QRICH1: variants seen among roughly 807,000 people sequenced by gnomAD.
QRICH1 encodes the protein transcriptional regulator QRICH1.
QRICH1 carries 16 observed loss-of-function variants against 87.1 expected under a neutral mutation model. The observed-to-expected ratio is 0.18, with a 90% confidence interval of 0.12 to 0.28. The LOEUF (loss-of-function observed/expected upper bound fraction) is 0.28. Ranked by LOEUF, QRICH1 falls within the 10% of genes least tolerant of loss-of-function variation. QRICH1 has a pLI of 1.00. For missense variants in QRICH1, 647 were observed against 951.7 expected, an observed-to-expected ratio of 0.68 and a Z score of 4.21; for synonymous variants, 367 against 368.4, an observed-to-expected ratio of 1.00 and a Z score of 0.05.
intron 2 of QRICH1, among the ~76,000 whole-genome samples, chr3:49,070,309 A>G (rs2093493617): frequency 6.6e-6 from 1 of 152,154 alleles, no homozygotes; most frequent in African/African-American, 2.4e-5. Flanking sequence ...AGGTGCTGGG[A>G]TTACAAGCAT....
chr3:49,034,927 G>C (rs2093265591), intron 6 of QRICH1, among the ~76,000 whole-genome samples: 1 of 152,154 alleles, frequency 6.6e-6, no homozygotes, highest in African/African-American at 2.4e-5. Context: ...CCTGGAAGCA[G>C]AAAAAAGAAC....
At chr3:49,073,901 A>C (rs929308665) in intron 2 of QRICH1, among the ~76,000 whole-genome samples, 9 of 151,814 alleles carry the variant, frequency 5.9e-5, no homozygotes. Context: ...CTCCCACCTC[A>C]GCTTCCCAAA....
At chr3:49,067,377 C>G (rs1440851285) in intron 2 of QRICH1, among the ~76,000 whole-genome samples, 2 of 151,294 alleles carry the variant, frequency 1.3e-5, no homozygotes, top group African/African-American at 2.4e-5. Context: ...ACCATCCTGG[C>G]TAACATGGTG....
In QRICH1 at chr3:49,093,559, G is replaced by T. The variant is rs536584659; in HGVS notation, c.-22+353C>A. The T allele has an allele frequency of 2.9e-3, 434 of 152,104 alleles. 7 individuals carry two copies. In the Middle Eastern group the frequency reaches 0.037, roughly 13 times the overall value. The allele number at this position is 152,104 out of a possible 1,614,324, so 9.4% of individuals were successfully genotyped here. A position where few individuals can be genotyped will look rare whatever the true frequency, so the allele number is the denominator to read the frequency against. On this transcript the variant is annotated intron_variant, in intron 1 of 9. Coordinates refer to ENST00000395443, the MANE Select transcript of QRICH1 (RefSeq NM_198880.3). ...ACGGGCGCGCGCTCCAGAAAGCCGC[G>T]GTTGCCCACGGGCCACAGCTCCTAG...
At chr3:49,030,702 C>T (rs934467939) in intron 9 of QRICH1, 58 bp from the exon 10 acceptor site, 84 of 1,399,864 alleles carry the variant, frequency 6.0e-5, no homozygotes, top group Non-Finnish European at 7.4e-5. Context: ...CCCTCCCACC[C>T]TGAACTTCCC....
At chr3:49,064,262 G>GACA (rs2093453389) in intron 2 of QRICH1, among the ~76,000 whole-genome samples, 1 of 109,590 alleles carries the variant, frequency 9.1e-6, no homozygotes, top group Admixed American at 1.0e-4. Context: ...TTTTTTTGGA[G>GACA]ACAAGAGTCT....
At chr3:49,080,712 C>T (rs745998337) in intron 1 of QRICH1, among the ~76,000 whole-genome samples, 1 of 151,800 alleles carries the variant, frequency 6.6e-6, no homozygotes, top group Non-Finnish European at 1.5e-5. Flanking sequence ...ATAATTTCAC[C>T]GACTTTTCTT....
At chr3:49,044,882 G>C (rs959972314) in intron 5 of QRICH1, among the ~76,000 whole-genome samples, 1 of 152,082 alleles carries the variant, frequency 6.6e-6, no homozygotes, top group Non-Finnish European at 1.5e-5. Context: ...GGAGATGATG[G>C]TATCTGCCTT....
chr3:49,088,630 T>G (rs1483886434), intron 1 of QRICH1, among the ~76,000 whole-genome samples: 2 of 148,936 alleles, frequency 1.3e-5, no homozygotes, highest in African/African-American at 2.5e-5. Flanking sequence ...TTTTTTTTTT[T>G]TTTTTTTTTT....
intron 2 of QRICH1, among the ~76,000 whole-genome samples, chr3:49,074,471 C>T (rs545007726): frequency 6.6e-6 from 1 of 151,948 alleles, no homozygotes; most frequent in South Asian, 2.1e-4. Flanking sequence ...ACTCGGGAGG[C>T]TGAGGCAGGA....
intron 3 of QRICH1, among the ~76,000 whole-genome samples, chr3:49,054,509 G>A (rs2093389555): frequency 8.7e-6 from 1 of 115,558 alleles, no homozygotes; most frequent in African/African-American, 3.4e-5. Context: ...CATTCTCACA[G>A]TTCCCTTCTC....
At chr3:49,059,526 TCTC>T (rs1251285007) in intron 2 of QRICH1, among the ~76,000 whole-genome samples, 1 of 150,682 alleles carries the variant, frequency 6.6e-6, no homozygotes, top group Non-Finnish European at 1.5e-5. Flanking sequence ...TTCAAGCTAT[TCTC>T]CTGCCTCAGC....
In QRICH1 at chr3:49,065,733, T is replaced by A. The variant is rs996736142; in HGVS notation, c.310-7843A>T. 4.6e-5 allele frequency among the ~76,000 whole-genome samples: 7 copies of A among 150,960 alleles called. No homozygotes were observed. In the Admixed American group the frequency reaches 4.6e-4, roughly 10 times the overall value. On this transcript the variant is annotated intron_variant, in intron 2 of 9. Coordinates refer to ENST00000395443, the MANE Select transcript of QRICH1 (RefSeq NM_198880.3). Reference sequence around the variant, plus strand: ...TCTCCCTCTGTCGTCCAGGCTGGAGTGCAGTGGTGTGATCTCAGCTCACTG... The same window carrying A: ...TCTCCCTCTGTCGTCCAGGCTGGAGAGCAGTGGTGTGATCTCAGCTCACTG...
In QRICH1 at chr3:49,030,680, A is replaced by C. The variant is rs773194609; in HGVS notation, c.2139-36T>G. The C allele has an allele frequency of 2.5e-5, 37 of 1,486,696 alleles. No homozygotes were observed. The Middle Eastern group carries it at 1.1e-3, about 43-fold the overall frequency. 92.1% of individuals were successfully genotyped at this position (1,486,696 alleles called of 1,614,324 possible). On this transcript the variant is annotated intron_variant, in intron 9 of 9. Coordinates refer to ENST00000395443, the MANE Select transcript of QRICH1 (RefSeq NM_198880.3). ...TGCGGATAAAAGTTGGGTACCACCA[A>C]TATAACTTCAACCCTCCCACCCTGA...
At chr3:49,058,562 C>T (rs539790464) in intron 2 of QRICH1, among the ~76,000 whole-genome samples, 1 of 152,236 alleles carries the variant, frequency 6.6e-6, no homozygotes, top group South Asian at 2.1e-4. Flanking sequence ...CTGACCTCAA[C>T]TGGTCCACCC....
rs1248603765 is a variant in QRICH1 at position 49,057,909 on chromosome 3, A to G, written c.310-19T>C. The G allele has an allele frequency of 6.2e-7, 1 of 1,614,090 alleles. No homozygotes were observed. The highest frequency in any genetic ancestry group is 8.5e-7 in the Non-Finnish European group (1 of 1,180,000). ...CCTGGACCTGTAAGCAACAAGATTC[A>G]TCAGTGAGTGAACCAGGCAGCACTG... On this transcript the variant is annotated intron_variant, in intron 2 of 9. Coordinates refer to ENST00000395443, the MANE Select transcript of QRICH1 (RefSeq NM_198880.3). The surrounding 1 kb of genome is among the most constrained non-coding windows in gnomAD (Gnocchi z 5.4).
chr3:49,082,910 G>GA (rs1033499797), intron 1 of QRICH1, among the ~76,000 whole-genome samples: 1 of 136,856 alleles, frequency 7.3e-6, no homozygotes, highest in African/African-American at 2.7e-5. Flanking sequence ...AAAAAAAAAA[G>GA]AAAAAAAGGC....
chr3:49,044,029 C>T (rs1444215069), intron 6 of QRICH1, among the ~76,000 whole-genome samples: 2 of 152,152 alleles, frequency 1.3e-5, no homozygotes, highest in East Asian at 3.8e-4. Context: ...TCCAATAGAA[C>T]ATGCTGTCCA....
intron 2 of QRICH1, among the ~76,000 whole-genome samples, chr3:49,074,321 C>T (rs1241632415): frequency 1.3e-5 from 2 of 151,952 alleles, no homozygotes; most frequent in Non-Finnish European, 2.9e-5. Context: ...ACCTGTAATC[C>T]CAGCATTTTG....
Sources: gnomAD v4.1 joint callset for allele counts (sites outside exome capture counted in the v4.1 genomes callset) on GRCh38, gnomAD v4.1.1 for gene constraint, Gnocchi (gnomAD v3.1) non-coding constraint, MANE v1.5 for transcripts, NCBI Gene and HGNC (gene_info 2026-07-23, HGNC 2026-07-21) for gene names.